KIAA0825: variants seen among roughly 807,000 people sequenced by gnomAD.
KIAA0825 encodes uncharacterized protein KIAA0825.
A neutral mutation model predicts 147.6 loss-of-function variants in KIAA0825; 119 were observed. The ratio of observed to expected loss-of-function variants is 0.81; its 90% CI spans 0.69 to 0.94. The LOEUF (loss-of-function observed/expected upper bound fraction) is 0.94, where lower values mean the gene tolerates loss of function less well. Ranked by LOEUF, KIAA0825 falls within the 40% of genes least tolerant of loss-of-function variation. KIAA0825 has a pLI of 0.00. For missense variants in KIAA0825, 1,381 were observed against 1,472.7 expected, an observed-to-expected ratio of 0.94 and a Z score of 1.02; for synonymous variants, 470 against 518.1, an observed-to-expected ratio of 0.91 and a Z score of 1.26.
At chr5:94,434,603 G>A (rs1248206133) in intron 14 of KIAA0825, among the ~76,000 whole-genome samples, 1 of 152,120 alleles carries the variant, frequency 6.6e-6, no homozygotes, top group East Asian at 1.9e-4. Context: ...CACAGACTGG[G>A]TAATTTAACA....
chr5:94,495,846 AAC>A (rs1764289508), intron 5 of KIAA0825, among the ~76,000 whole-genome samples: 1 of 152,258 alleles, frequency 6.6e-6, no homozygotes, highest in South Asian at 2.1e-4. Flanking sequence ...TTAATTGAAA[AAC>A]ACAATAGAAA....
At chr5:94,296,136 C>T (rs902129079) in intron 20 of KIAA0825, among the ~76,000 whole-genome samples, 2 of 152,174 alleles carry the variant, frequency 1.3e-5, no homozygotes, top group Non-Finnish European at 2.9e-5. Context: ...GGCAGTCTGG[C>T]TACAATGGCT....
intron 20 of KIAA0825, among the ~76,000 whole-genome samples, chr5:94,279,806 C>T (rs13154274): frequency 0.11 from 16,844 of 152,008 alleles, 1,038 homozygotes; most frequent in Non-Finnish European, 0.13. Context: ...TAAACAGATA[C>T]TTTTCGATAA....
chr5:94,172,059 A>G (rs1480451469), intron 20 of KIAA0825, among the ~76,000 whole-genome samples: 1 of 152,214 alleles, frequency 6.6e-6, no homozygotes, highest in Non-Finnish European at 1.5e-5. Context: ...TTTGCTTTAG[A>G]GTTAAAAGAC....
intron 1 of KIAA0825, among the ~76,000 whole-genome samples, chr5:94,588,048 T>C (rs1274643963): frequency 6.6e-6 from 1 of 152,266 alleles, no homozygotes. Context: ...TGATTCAAGA[T>C]GGATTAAAGA....
At chr5:94,339,180 C>T (rs1186420782) in intron 20 of KIAA0825, among the ~76,000 whole-genome samples, 1 of 152,020 alleles carries the variant, frequency 6.6e-6, no homozygotes, top group Non-Finnish European at 1.5e-5. Flanking sequence ...ACTAGCTCAC[C>T]CTCATCTTCT....
At chr5:94,276,766 A>T (rs1244694764) in intron 20 of KIAA0825, among the ~76,000 whole-genome samples, 1 of 152,138 alleles carries the variant, frequency 6.6e-6, no homozygotes, top group African/African-American at 2.4e-5. Flanking sequence ...CTTTGATAGC[A>T]GGAATAGAGA....
At chr5:94,291,294 G>T (rs1278896928) in intron 20 of KIAA0825, among the ~76,000 whole-genome samples, 1 of 152,124 alleles carries the variant, frequency 6.6e-6, no homozygotes, top group Non-Finnish European at 1.5e-5. Flanking sequence ...TTTGTATAAG[G>T]TGTAAGGAAG....
At chr5:94,476,013 T>A (rs778694709) in intron 7 of KIAA0825, among the ~76,000 whole-genome samples, 1 of 152,250 alleles carries the variant, frequency 6.6e-6, no homozygotes, top group Non-Finnish European at 1.5e-5. Flanking sequence ...TTCTCTTCTA[T>A]GCACGAAGTA....
At chr5:94,326,791 T>G (rs567356826) in intron 20 of KIAA0825, among the ~76,000 whole-genome samples, 1 of 152,280 alleles carries the variant, frequency 6.6e-6, no homozygotes, top group South Asian at 2.1e-4. Flanking sequence ...AATCTATCGG[T>G]ACTTGAAATT....
chr5:94,416,943 G>T, intron 15 of KIAA0825: 1 of 310,212 alleles, frequency 3.2e-6, no homozygotes, highest in Non-Finnish European at 6.1e-6. Context: ...TTTTATGATA[G>T]AACATTCCCT....
chr5:94,592,971 G>A lies in KIAA0825; in HGVS notation c.-152-10388C>T, dbSNP rs905788556. ...AAATCATACTTTCAGAAAAACAAGT[G>A]GGATGTACATTTAATATACTTTGGA... On this transcript the variant is annotated intron_variant, in intron 1 of 20. Transcript: ENST00000682413. 11 of 579,072 alleles carry A rather than the reference G, an allele frequency of 1.9e-5. No individual in the cohort carries two copies. The Admixed American group carries it at 2.8e-4, about 15-fold the overall frequency. 35.9% of individuals were successfully genotyped at this position (579,072 alleles called of 1,614,324 possible).
intron 5 of KIAA0825, among the ~76,000 whole-genome samples, chr5:94,507,659 C>A: frequency 6.6e-6 from 1 of 150,484 alleles, no homozygotes; most frequent in Non-Finnish European, 1.5e-5. Flanking sequence ...TTATGGTAAT[C>A]CAATGAAAAG....
chr5:94,487,220 A>G (rs1763161978), intron 5 of KIAA0825, among the ~76,000 whole-genome samples: 1 of 152,214 alleles, frequency 6.6e-6, no homozygotes, highest in Admixed American at 6.5e-5. Flanking sequence ...GAATCTTTAT[A>G]ACTAAATAAT....
intron 6 of KIAA0825, among the ~76,000 whole-genome samples, chr5:94,481,002 T>C (rs1184143336): frequency 6.6e-6 from 1 of 152,168 alleles, no homozygotes; most frequent in Non-Finnish European, 1.5e-5. Flanking sequence ...ATGTTGAAAT[T>C]TGGCAATGTA....
intron 20 of KIAA0825, among the ~76,000 whole-genome samples, chr5:94,350,255 C>G (rs780925218): frequency 2.0e-5 from 3 of 151,994 alleles, no homozygotes; most frequent in African/African-American, 7.2e-5. Flanking sequence ...CTGAACAGAC[C>G]GATAACGAGC....
chr5:94,224,311 GTC>G (rs953858760), intron 20 of KIAA0825, among the ~76,000 whole-genome samples: 3 of 151,424 alleles, frequency 2.0e-5, no homozygotes, highest in Non-Finnish European at 4.4e-5. Context: ...AGCCAGGCTG[GTC>G]TCGAACTCCT....
In KIAA0825 at chr5:94,386,418, A is replaced by G; in HGVS notation, c.3457-14T>C. On this transcript the variant is annotated splice_polypyrimidine_tract_variant and intron_variant, in intron 18 of 20. Coordinates refer to ENST00000682413, the MANE Select transcript of KIAA0825 (RefSeq NM_001145678.3). ...TTTTAAATATTCCTTCAAAGAAAAGAAATTACAAGTTGTGACGGTGAGAAG... is the reference window on the plus strand; with the variant it reads ...TTTTAAATATTCCTTCAAAGAAAAGGAATTACAAGTTGTGACGGTGAGAAG... 1 of 1,539,834 alleles carries G rather than the reference A, an allele frequency of 6.5e-7. No individual in the cohort carries two copies. Among genetic ancestry groups the G allele is most frequent in the Non-Finnish European group, 8.8e-7 (1 of 1,141,842 alleles).
At chr5:94,160,069 T>C (rs913600562) in intron 20 of KIAA0825, among the ~76,000 whole-genome samples, 7 of 152,144 alleles carry the variant, frequency 4.6e-5, no homozygotes, top group Admixed American at 1.3e-4. Context: ...CATTGCACAG[T>C]GCAGACTGGT....
Sources: gnomAD v4.1 joint callset for allele counts (sites outside exome capture counted in the v4.1 genomes callset) on GRCh38, gnomAD v4.1.1 for gene constraint, MANE v1.5 for transcripts, NCBI Gene and HGNC (gene_info 2026-07-23, HGNC 2026-07-21) for gene names.